BMPR1B: variants seen among roughly 807,000 people sequenced by gnomAD.
BMPR1B encodes bone morphogenetic protein receptor type-1B.
Under a neutral mutation model 59.1 loss-of-function variants are expected in BMPR1B, and 12 were observed. The observed-to-expected ratio is 0.20, with a 90% CI of 0.13 to 0.33. The LOEUF is 0.33. Among genes scored for constraint, BMPR1B ranks in the 10% least tolerant of loss-of-function variants. BMPR1B has a pLI of 1.00. For synonymous variants in BMPR1B, 237 were observed against 207.3 expected, an observed-to-expected ratio of 1.14 and a Z score of -1.23; for missense variants, 550 against 610.9, an observed-to-expected ratio of 0.90 and a Z score of 1.05.
chr4:94,966,625 A>C (rs889394319), intron 2 of BMPR1B, among the ~76,000 whole-genome samples: 1 of 152,236 alleles, frequency 6.6e-6, no homozygotes, highest in South Asian at 2.1e-4. Context: ...AATGAACTCT[A>C]TACTCAACTC....
intron 2 of BMPR1B, among the ~76,000 whole-genome samples, chr4:94,903,835 G>A (rs1578783777): frequency 6.6e-6 from 1 of 152,062 alleles, no homozygotes; most frequent in African/African-American, 2.4e-5. Context: ...TGCAATGCAA[G>A]GAGGGAGGCC....
chr4:95,085,551 C>G (rs1199287804), intron 3 of BMPR1B, among the ~76,000 whole-genome samples: 1 of 152,186 alleles, frequency 6.6e-6, no homozygotes, highest in African/African-American at 2.4e-5. Context: ...AGTAGAGAGA[C>G]ACTTGGACCA....
rs62316535 is a variant in BMPR1B, at chr4:94,794,414, A to T, written c.-183+36346A>T. Among the ~76,000 whole-genome samples, 401 of 145,322 alleles carry T rather than the reference A, an allele frequency of 2.8e-3. 2 individuals are homozygous for T. The highest frequency in any genetic ancestry group is 8.0e-3 in the African/African-American group (301 of 37,430). On this transcript the variant is annotated intron_variant, in intron 1 of 12. Transcript: ENST00000515059. ...GGTACCAGTACCATGCTGTTTTGGTAACTGTAGCCTTGTAGTATAGTTTGA... is the reference window on the plus strand; with the variant it reads ...GGTACCAGTACCATGCTGTTTTGGTTACTGTAGCCTTGTAGTATAGTTTGA...
intron 11 of BMPR1B, among the ~76,000 whole-genome samples, chr4:95,151,168 AAAT>A (rs2149328694): frequency 6.6e-6 from 1 of 152,366 alleles, no homozygotes; most frequent in East Asian, 1.9e-4. Flanking sequence ...AAACAGAGTT[AAAT>A]GGCAGCTAAC....
chr4:95,108,834 T>G (rs1731395250), intron 4 of BMPR1B, among the ~76,000 whole-genome samples: 1 of 152,126 alleles, frequency 6.6e-6, no homozygotes, highest in Non-Finnish European at 1.5e-5. Context: ...ATGTGTCAAT[T>G]TGCGTTGTAA....
At position 95,026,098 on chromosome 4, in the gene BMPR1B, A is replaced by ATTTCTTTCTTTCCTTCTTTCTTTCTTTC. The variant is rs1455953912; in HGVS notation, c.-18+29976_-18+29977insCTTCTTTCTTTCTTTCTTTCTTTCTTTC. Among the ~76,000 whole-genome samples, 297 of 101,714 alleles carry ATTTCTTTCTTTCCTTCTTTCTTTCTTTC rather than the reference A, an allele frequency of 2.9e-3. 3 individuals are homozygous for ATTTCTTTCTTTCCTTCTTTCTTTCTTTC. Among genetic ancestry groups the ATTTCTTTCTTTCCTTCTTTCTTTCTTTC allele is most frequent in the Middle Eastern group, 4.8e-3 (1 of 210 alleles). 66.7% of individuals were successfully genotyped at this position (101,714 alleles called of 152,430 possible). On this transcript the variant is annotated intron_variant, in intron 3 of 12. Transcript: ENST00000515059. ...TTGGCTGGCTGGATTGCTTTCTTTC[A>ATTTCTTTCTTTCCTTCTTTCTTTCTTTC]TTTCTTTCTTTCTTTCTTTCTTTCT...
chr4:95,138,974 TGGA>T (rs2149313087), intron 10 of BMPR1B, among the ~76,000 whole-genome samples: 1 of 152,322 alleles, frequency 6.6e-6, no homozygotes, highest in African/African-American at 2.4e-5. Flanking sequence ...TCCCTTCCTT[TGGA>T]GGAGAAGAGG....
chr4:94,775,963 C>T (rs1212282788), intron 1 of BMPR1B, among the ~76,000 whole-genome samples: 1 of 151,858 alleles, frequency 6.6e-6, no homozygotes. Flanking sequence ...TGATGGTGGT[C>T]GCCTGTAGTC....
intron 1 of BMPR1B, among the ~76,000 whole-genome samples, chr4:94,847,163 G>T (rs1725367416): frequency 6.6e-6 from 1 of 152,102 alleles, no homozygotes; most frequent in South Asian, 2.1e-4. Flanking sequence ...CATACAAATG[G>T]CAAACAGGTA....
At chr4:94,920,853 T>TA (rs1728662257) in intron 2 of BMPR1B, among the ~76,000 whole-genome samples, 3 of 152,190 alleles carry the variant, frequency 2.0e-5, no homozygotes, top group African/African-American at 7.2e-5. Flanking sequence ...TCCAAGTGGC[T>TA]AAAAAGATAC....
At chr4:94,978,351 A>G (rs1451627384) in intron 2 of BMPR1B, among the ~76,000 whole-genome samples, 1 of 152,250 alleles carries the variant, frequency 6.6e-6, no homozygotes, top group Non-Finnish European at 1.5e-5. Flanking sequence ...ATTTGCAGTC[A>G]GATGGTGTCT....
chr4:95,091,228 T>C (rs1729955938), intron 3 of BMPR1B, among the ~76,000 whole-genome samples: 1 of 152,230 alleles, frequency 6.6e-6, no homozygotes, highest in African/African-American at 2.4e-5. Context: ...GTGACATTTT[T>C]TTCATTCTTT....
intron 1 of BMPR1B, among the ~76,000 whole-genome samples, chr4:94,779,227 C>G (rs983806876): frequency 6.6e-6 from 1 of 151,948 alleles, no homozygotes; most frequent in Non-Finnish European, 1.5e-5. Context: ...TTATGTATAA[C>G]CTATTGTCCA....
intron 3 of BMPR1B, among the ~76,000 whole-genome samples, chr4:95,027,114 G>C (rs1025430789): frequency 2.0e-5 from 3 of 151,930 alleles, no homozygotes; most frequent in Admixed American, 1.3e-4. Flanking sequence ...ACAGATTATT[G>C]CTTCTTTCTC....
chr4:94,970,483 T>C (rs1345381020), intron 2 of BMPR1B, among the ~76,000 whole-genome samples: 1 of 152,074 alleles, frequency 6.6e-6, no homozygotes, highest in African/African-American at 2.4e-5. Context: ...CCTGCTACTT[T>C]TTGTATTTTT....
intron 6 of BMPR1B, among the ~76,000 whole-genome samples, chr4:95,120,997 G>C (rs1030390338): frequency 3.3e-5 from 5 of 151,944 alleles, no homozygotes; most frequent in Admixed American, 3.3e-4. Context: ...TTGTAGAGAC[G>C]GGGTTTTGCC....
chr4:94,801,473 A>C (rs1254285016), intron 1 of BMPR1B, among the ~76,000 whole-genome samples: 2 of 152,182 alleles, frequency 1.3e-5, no homozygotes, highest in Non-Finnish European at 2.9e-5. Flanking sequence ...GCCCTCCTCT[A>C]TCTTCCCTAC....
intron 1 of BMPR1B, among the ~76,000 whole-genome samples, chr4:94,831,209 T>G (rs1724571604): frequency 8.4e-6 from 1 of 119,034 alleles, no homozygotes; most frequent in African/African-American, 3.3e-5. Flanking sequence ...TGTGTCCTCG[T>G]TTTTAACAAG....
chr4:95,118,620 C>T lies in BMPR1B; in HGVS notation c.349+2833C>T, dbSNP rs1042950335. On this transcript the variant is annotated intron_variant, in intron 6 of 12. Coordinates refer to ENST00000515059, the MANE Select transcript of BMPR1B (RefSeq NM_001203.3). ...CTACTTCCCAGAGCAGTTGGAGTGA[C>T]AGCGCAGGTAGAAATCTGCTGTCCT... Among the ~76,000 whole-genome samples, 13 of 152,282 alleles carry T rather than the reference C, an allele frequency of 8.5e-5. No homozygotes were observed. The South Asian group carries it at 2.7e-3, about 32-fold the overall frequency.
Sources: allele counts gnomAD v4.1 joint callset (sites outside exome capture counted in the v4.1 genomes callset), GRCh38; gene constraint gnomAD v4.1.1; transcripts MANE v1.5; gene names NCBI Gene and HGNC (gene_info 2026-07-23, HGNC 2026-07-21).